WWC2: variants seen among roughly 807,000 people sequenced by gnomAD.
The protein encoded by WWC2 is WW and C2 domain containing 2, also known as protein WWC2.
WWC2 carries 101 observed loss-of-function variants against 138.5 expected under a neutral mutation model. The ratio of observed to expected loss-of-function variants is 0.73; its 90% CI spans 0.62 to 0.86. The LOEUF (loss-of-function observed/expected upper bound fraction) is 0.86, where lower values mean the gene tolerates loss of function less well. WWC2 is among the 40% of genes least tolerant of loss of function. WWC2 has a pLI of 0.00. For synonymous variants in WWC2, 558 were observed against 538.4 expected (o/e 1.04, Z -0.50); for missense variants, 1,420 against 1,419.4 (o/e 1.00, Z -0.01).
chr4:183,241,165 G>A (rs954658368), intron 5 of WWC2, among the ~76,000 whole-genome samples: 2 of 152,186 alleles, frequency 1.3e-5, no homozygotes, highest in African/African-American at 4.8e-5. Context: ...GGTCAGTTTT[G>A]TGTTCAGGCA....
chr4:183,137,583 T>C (rs1237773919), intron 1 of WWC2, among the ~76,000 whole-genome samples: 1 of 152,058 alleles, frequency 6.6e-6, no homozygotes, highest in Non-Finnish European at 1.5e-5. Context: ...ACCGTAACCT[T>C]GACCTCTCTG....
intron 1 of WWC2, among the ~76,000 whole-genome samples, chr4:183,107,978 A>G (rs1732092783): frequency 6.6e-6 from 1 of 152,160 alleles, no homozygotes; most frequent in African/African-American, 2.4e-5. Context: ...GAGGGAAGAC[A>G]GTTGAAAGGA....
intron 1 of WWC2, among the ~76,000 whole-genome samples, chr4:183,115,069 T>G (rs189489517): frequency 1.1e-4 from 16 of 152,312 alleles, no homozygotes; most frequent in Admixed American, 1.0e-3. Flanking sequence ...TGTTCCCTTT[T>G]AGCTTCCATG....
chr4:183,302,483 A>G (rs2111103165), intron 21 of WWC2, among the ~76,000 whole-genome samples: 1 of 152,130 alleles, frequency 6.6e-6, no homozygotes, highest in Non-Finnish European at 1.5e-5. Context: ...GCTACCCACC[A>G]CCTTTAGACC....
intron 4 of WWC2, among the ~76,000 whole-genome samples, chr4:183,230,679 T>C (rs1383093287): frequency 2.8e-5 from 4 of 142,220 alleles, no homozygotes; most frequent in Non-Finnish European, 4.6e-5. Context: ...AAACTCTGTC[T>C]AAAAAAAAAA....
At chr4:183,307,482 C>G (rs1480998407) in intron 21 of WWC2, among the ~76,000 whole-genome samples, 2 of 152,116 alleles carry the variant, frequency 1.3e-5, no homozygotes, top group Non-Finnish European at 2.9e-5. Context: ...CAAAACCAGG[C>G]AAAGACAAGG....
chr4:183,288,197 A>G (rs996638171), intron 20 of WWC2, among the ~76,000 whole-genome samples: 2 of 152,302 alleles, frequency 1.3e-5, no homozygotes, highest in Middle Eastern at 3.4e-3. Flanking sequence ...ATGTGGAGGA[A>G]GAACAGGAGG....
intron 1 of WWC2, among the ~76,000 whole-genome samples, chr4:183,125,376 T>C (rs573586637): frequency 1.3e-5 from 2 of 152,346 alleles, no homozygotes; most frequent in Non-Finnish European, 2.9e-5. Context: ...CTTATAGTTA[T>C]TGTAATACTT....
At chr4:183,278,740 A>G (rs1240349054) in intron 16 of WWC2, among the ~76,000 whole-genome samples, 1 of 151,926 alleles carries the variant, frequency 6.6e-6, no homozygotes, top group South Asian at 2.1e-4. Context: ...GTTTGAAGCA[A>G]TTGTGAATGG....
intron 21 of WWC2, among the ~76,000 whole-genome samples, chr4:183,300,586 TAGC>T (rs1738802014): frequency 6.6e-6 from 1 of 152,148 alleles, no homozygotes; most frequent in South Asian, 2.1e-4. Context: ...TATTGATTAT[TAGC>T]AGCTGATAAT....
intron 14 of WWC2, among the ~76,000 whole-genome samples, chr4:183,266,413 C>G (rs141373231): frequency 8.9e-4 from 136 of 152,330 alleles, no homozygotes; most frequent in African/African-American, 3.1e-3. Flanking sequence ...ATTTACTTCC[C>G]TGTGACCAGT....
At chr4:183,181,365 A>C (rs903699911) in intron 1 of WWC2, among the ~76,000 whole-genome samples, 1 of 152,158 alleles carries the variant, frequency 6.6e-6, no homozygotes, top group Non-Finnish European at 1.5e-5. Context: ...GTGATGCTGG[A>C]AGTGCTCCCA....
intron 3 of WWC2, among the ~76,000 whole-genome samples, chr4:183,208,357 T>C (rs1437086814): frequency 6.6e-6 from 1 of 152,178 alleles, no homozygotes; most frequent in Non-Finnish European, 1.5e-5. Context: ...TGTTTGGGGG[T>C]TATGCATGCC....
intron 21 of WWC2, 116 bp from the exon 22 acceptor site, chr4:183,312,225 G>T (rs540481739): frequency 1.4e-6 from 2 of 1,421,878 alleles, no homozygotes; most frequent in East Asian, 2.4e-5. Context: ...CAGCCCACTG[G>T]CTGCCTTGCT....
chr4:183,257,945 A>G (rs1241008369), intron 9 of WWC2, among the ~76,000 whole-genome samples: 5 of 152,200 alleles, frequency 3.3e-5, no homozygotes, highest in Non-Finnish European at 7.4e-5. Flanking sequence ...TGTGGTTCAA[A>G]GCAGACATTA....
At chr4:183,288,382 G>A (rs1433882626) in intron 20 of WWC2, among the ~76,000 whole-genome samples, 1 of 152,114 alleles carries the variant, frequency 6.6e-6, no homozygotes, top group African/African-American at 2.4e-5. Context: ...GTTCTTATTA[G>A]TGATCACTTA....
At chr4:183,110,027 A>G (rs1732184061) in intron 1 of WWC2, among the ~76,000 whole-genome samples, 1 of 152,176 alleles carries the variant, frequency 6.6e-6, no homozygotes, top group Admixed American at 6.5e-5. Context: ...ATACCTCATG[A>G]TTATTTTGAT....
At chr4:183,300,526 T>C (rs1473888253) in intron 21 of WWC2, among the ~76,000 whole-genome samples, 1 of 152,098 alleles carries the variant, frequency 6.6e-6, no homozygotes, top group East Asian at 1.9e-4. Context: ...AAAATCTTAA[T>C]GATTACAGAA....
At chr4:183,129,469 G>C (rs1732856627) in intron 1 of WWC2, among the ~76,000 whole-genome samples, 2 of 152,208 alleles carry the variant, frequency 1.3e-5, no homozygotes, top group African/African-American at 4.8e-5. Flanking sequence ...GTGAAAGAAA[G>C]ATCAGACCTC....
Sources: gnomAD v4.1 joint callset for allele counts (sites outside exome capture counted in the v4.1 genomes callset) on GRCh38, gnomAD v4.1.1 for gene constraint, MANE v1.5 for transcripts, NCBI Gene and HGNC (gene_info 2026-07-23, HGNC 2026-07-21) for gene names.